Variants in ADGRB2 observed in about 807,000 individuals in gnomAD.
The protein encoded by ADGRB2 is adhesion G protein-coupled receptor B2.
Under a neutral mutation model 178.7 loss-of-function variants are expected in ADGRB2, and 47 were observed. That is an observed-to-expected ratio of 0.26 (90% CI 0.21 to 0.34). The LOEUF (loss-of-function observed/expected upper bound fraction) is 0.34, where lower values mean the gene tolerates loss of function less well. Among genes scored for constraint, ADGRB2 ranks in the 10% least tolerant of loss-of-function variants. The pLI is 1.00. For missense variants in ADGRB2, 1,584 were observed against 2,180.8 expected (o/e 0.73, Z 5.45); for synonymous variants, 870 against 912.4 (o/e 0.95, Z 0.84).
chr1:31,763,292 T>C (rs1179914436), intron 1 of ADGRB2, among the ~76,000 whole-genome samples: 12 of 131,762 alleles, frequency 9.1e-5, no homozygotes, highest in Non-Finnish European at 1.4e-4. Context: ...TCCGGTCAGA[T>C]AGATATGGGG....
intron 14 of ADGRB2, 78 bp from the exon 15 acceptor site, chr1:31,739,713 G>A (rs933062865): frequency 5.4e-6 from 8 of 1,469,848 alleles, no homozygotes; most frequent in African/African-American, 4.2e-5. Context: ...AGAGACAGAT[G>A]TAGGGGAAAC....
Position 31,733,148 on chromosome 1 carries a change from G to A in ADGRB2, c.3453-5C>T, listed in dbSNP as rs1645382230. 2 of 1,572,288 alleles carry A rather than the reference G, an allele frequency of 1.3e-6. No individual in the cohort carries two copies. The highest frequency in any genetic ancestry group is 2.3e-5 in the East Asian group (1 of 42,634). ...CAGGAGCTCCAGAGTGAGGCCCTGAGGGGACAGTGGCAGAGCCCATCAGAG... is the reference window on the plus strand; with the variant it reads ...CAGGAGCTCCAGAGTGAGGCCCTGAAGGGACAGTGGCAGAGCCCATCAGAG... On this transcript the variant is annotated splice_region_variant and splice_polypyrimidine_tract_variant and intron_variant, in intron 25 of 32. Transcript: ENST00000373658. The surrounding 1 kb of genome is among the most constrained non-coding windows in gnomAD (Gnocchi z 4.3).
In ADGRB2 at chr1:31,744,121, G is replaced by T; in HGVS notation, c.1087+72C>A. On this transcript the variant is annotated intron_variant, in intron 6 of 32. Coordinates refer to ENST00000373658, the MANE Select transcript of ADGRB2 (RefSeq NM_001364857.2). The surrounding 1 kb of genome is among the most constrained non-coding windows in gnomAD (Gnocchi z 6.7). ...GGAGGAGGCAACCAACCATTTTGGA[G>T]ATTAATCTGCCCAAGTCCCAGGCAG... The T allele has an allele frequency of 1.4e-6, 2 of 1,447,046 alleles. No homozygotes were observed. The highest frequency in any genetic ancestry group is 1.5e-5 in the South Asian group (1 of 68,152). The allele number at this position is 1,447,046 out of a possible 1,614,324, so 89.6% of individuals were successfully genotyped here. A position where few individuals can be genotyped will look rare whatever the true frequency, so the allele number is the denominator to read the frequency against.
At position 31,741,312 on chromosome 1, in the gene ADGRB2, C is replaced by T. The variant is rs994483156; in HGVS notation, c.1794+61G>A. 7.4e-6 allele frequency: 11 copies of T among 1,495,726 alleles called. No individual in the cohort carries two copies. In the African/African-American group the frequency reaches 1.4e-4, roughly 19 times the overall value. 92.7% of individuals were successfully genotyped at this position (1,495,726 alleles called of 1,614,324 possible). ...GAACGAGCGAGAATCACGCTCCCTC[C>T]ACCCCCTAGCAGAGTCTGAGACAGA... On this transcript the variant is annotated intron_variant, in intron 11 of 32. Transcript: ENST00000373658. This position sits in a 1 kb window ranked among gnomAD's most constrained non-coding sequence, Gnocchi z 6.5.
Position 31,727,882 on chromosome 1 carries a change from C to A in ADGRB2, c.4572+143G>T. 8.5e-7 allele frequency: 1 copy of A among 1,170,066 alleles called. No homozygotes were observed. The highest frequency in any genetic ancestry group is 1.2e-6 in the Non-Finnish European group (1 of 855,310). 72.5% of individuals were successfully genotyped at this position (1,170,066 alleles called of 1,614,324 possible). ...TCGCCATCTGCAGCACCTTCCCCAC[C>A]CCCAGGCGGCCCCAGACTGTTGCCC... On this transcript the variant is annotated intron_variant, in intron 32 of 32. Coordinates refer to ENST00000373658, the MANE Select transcript of ADGRB2 (RefSeq NM_001364857.2). This position sits in a 1 kb window ranked among gnomAD's most constrained non-coding sequence, Gnocchi z 4.4.
At position 31,735,214 on chromosome 1, in the gene ADGRB2, G is replaced by A. The variant is rs4434884; in HGVS notation, c.3421C>T (p.Leu1141=). The A allele has an allele frequency of 6.9e-7, 1 of 1,452,978 alleles. No individual in the cohort carries two copies. Among genetic ancestry groups the A allele is most frequent in the African/African-American group, 1.4e-5 (1 of 70,100 alleles). 90.0% of individuals were successfully genotyped at this position (1,452,978 alleles called of 1,614,324 possible). A position where few individuals can be genotyped will look rare whatever the true frequency, so the allele number is the denominator to read the frequency against. Residue 1141 remains leucine (L), a synonymous_variant, in exon 25 of 33, where the codon CTG becomes TTG. Coordinates refer to ENST00000373658, the MANE Select transcript of ADGRB2 (RefSeq NM_001364857.2). The surrounding 1 kb of genome is among the most constrained non-coding windows in gnomAD (Gnocchi z 6.0). ...TTCCTGGCCGAGGCTGAGCTGAGCA[G>A]GGGGCTGGGGACCGCTCCACACGCT... ...CSACGAVPSP[L]LSSASARNAM...
In ADGRB2 at chr1:31,735,173, C is replaced by G; in HGVS notation, c.3452+10G>C. ...CCCACCCCCACCGCCCCCCAGGGGG[C>G]ACGACTAACATGGCGTTCCTGGCCG... On this transcript the variant is annotated intron_variant, in intron 25 of 32. Coordinates refer to ENST00000373658, the MANE Select transcript of ADGRB2 (RefSeq NM_001364857.2). The surrounding 1 kb of genome is among the most constrained non-coding windows in gnomAD (Gnocchi z 6.0). 3 of 1,282,234 alleles carry G rather than the reference C, an allele frequency of 2.3e-6. No individual in the cohort carries two copies. Among genetic ancestry groups the G allele is most frequent in the South Asian group, 1.7e-5 (1 of 57,478 alleles). 79.4% of individuals were successfully genotyped at this position (1,282,234 alleles called of 1,614,324 possible).
In ADGRB2 at chr1:31,740,090, C is replaced by T. The variant is rs775475260; in HGVS notation, c.2058+20G>A. 6.2e-7 allele frequency: 1 copy of T among 1,614,170 alleles called. No homozygotes were observed. The highest frequency in any genetic ancestry group is 1.1e-5 in the South Asian group (1 of 91,090). The stretch of plus-strand genomic sequence containing the variant: ...GCAGGGTGGGTCACGGGAGGAGAAG[C>T]TGGCAGCTGTGCCCCGCACCTGCTG... On this transcript the variant is annotated intron_variant, in intron 13 of 32. Transcript: ENST00000373658. The surrounding 1 kb of genome is among the most constrained non-coding windows in gnomAD (Gnocchi z 5.9).
chr1:31,762,220 A>G (rs932672091), intron 1 of ADGRB2, among the ~76,000 whole-genome samples: 65 of 152,180 alleles, frequency 4.3e-4, no homozygotes, highest in African/African-American at 1.4e-3. Flanking sequence ...GGAGAGAGGG[A>G]AGAAGAGGGG....
rs1299003008 is a variant in ADGRB2 at position 31,733,163 on chromosome 1, G to T, written c.3453-20C>A. 9.0e-6 allele frequency: 14 copies of T among 1,562,170 alleles called. No homozygotes were observed. In the Admixed American group the frequency reaches 1.9e-4, roughly 21 times the overall value. On this transcript the variant is annotated intron_variant, in intron 25 of 32. Coordinates refer to ENST00000373658, the MANE Select transcript of ADGRB2 (RefSeq NM_001364857.2). The surrounding 1 kb of genome is among the most constrained non-coding windows in gnomAD (Gnocchi z 4.3). ...GAGGCCCTGAGGGGACAGTGGCAGA[G>T]CCCATCAGAGTGACACTCCGGGGGA...
At position 31,740,272 on chromosome 1, in the gene ADGRB2, T is replaced by C. The variant is rs977373432; in HGVS notation, c.1989+75A>G. 4 of 1,606,712 alleles carry C rather than the reference T, an allele frequency of 2.5e-6. No homozygotes were observed. The highest frequency in any genetic ancestry group is 3.4e-6 in the Non-Finnish European group (4 of 1,175,148). On this transcript the variant is annotated intron_variant, in intron 12 of 32. Transcript: ENST00000373658. The surrounding 1 kb of genome is among the most constrained non-coding windows in gnomAD (Gnocchi z 5.9). ...CACACTTGCCGCCTCTACAGCAGAC[T>C]CTGCCTAGGGGCCTGGCCTCCCGCT...
intron 21 of ADGRB2, 40 bp downstream of exon 21, chr1:31,736,532 AC>A: frequency 6.2e-7 from 1 of 1,604,518 alleles, no homozygotes; most frequent in Non-Finnish European, 8.5e-7. Flanking sequence ...GCCCCTGCCC[AC>A]CAAGGCCCAG....
chr1:31,731,050 C>G lies in ADGRB2; in HGVS notation c.4130G>C (p.Arg1377Pro). The stretch of plus-strand genomic sequence containing the variant: ...AGCTCGCCGGGGGGTCCCCTCCGGC[C>G]GGGCCCTGGGGGCATCCTCACCACC... Reference protein sequence around the residue: ...GGGGEDAPRARPEGTPRRAAK... With the variant: ...GGGGEDAPRAPPEGTPRRAAK... The change falls in exon 29 of 33, where the codon CGG (arginine) becomes CCG (proline). Residue 1377 changes from arginine (R) to proline (P), a missense_variant. Around this residue, in one of 3 missense-constraint regions of ADGRB2, gnomAD observed 865 missense variants for 1,192.8 expected, o/e 0.73. Transcript: ENST00000373658. The G allele has an allele frequency of 6.3e-7, 1 of 1,583,878 alleles. No homozygotes were observed. Among genetic ancestry groups the G allele is most frequent in the Non-Finnish European group, 8.6e-7 (1 of 1,163,950 alleles).
intron 26 of ADGRB2, among the ~76,000 whole-genome samples, 157 bp downstream of exon 26, chr1:31,732,815 G>A (rs1645361817): frequency 6.6e-6 from 1 of 152,258 alleles, no homozygotes; most frequent in Non-Finnish European, 1.5e-5. Context: ...GACAGTTGCG[G>A]GTACCCCGGG....
chr1:31,755,791 C>G lies in ADGRB2; in HGVS notation c.838+208G>C, dbSNP rs1342978890. ...ATCACCCTGCATTATCTGATCTGTG[C>G]CCCCATTCATCTAGCCAGTCTGCAA... On this transcript the variant is annotated intron_variant, in intron 4 of 32. Transcript: ENST00000373658. This position sits in a 1 kb window ranked among gnomAD's most constrained non-coding sequence, Gnocchi z 5.1. 6.6e-6 allele frequency among the ~76,000 whole-genome samples: 1 copy of G among 152,024 alleles called. No homozygotes were observed. The highest frequency in any genetic ancestry group is 1.5e-5 in the Non-Finnish European group (1 of 67,996).
At position 31,737,483 on chromosome 1, in the gene ADGRB2, G is replaced by A; in HGVS notation, c.2925C>T (p.Ser975=). ...RSIILLNFCL[S]ILASNILILV... ...GGATCAGGATGTTGGATGCCAAGAT[G>A]GACAGGCAGAAGTTCAGCAAGATGA... The change falls in exon 20 of 33, where the codon TCC becomes TCT. Residue 975 remains serine, a synonymous_variant. Coordinates refer to ENST00000373658, the MANE Select transcript of ADGRB2 (RefSeq NM_001364857.2). 2 of 1,614,164 alleles carry A rather than the reference G, an allele frequency of 1.2e-6. No homozygotes were observed. The highest frequency in any genetic ancestry group is 1.1e-5 in the South Asian group (1 of 91,072).
chr1:31,737,591 C>T lies in ADGRB2; in HGVS notation c.2877-60G>A. The T allele has an allele frequency of 4.3e-6, 7 of 1,611,380 alleles. No individual in the cohort carries two copies. The South Asian group carries it at 7.7e-5, about 18-fold the overall frequency. Reference sequence around the variant, plus strand: ...GGCTGCCCCATCCGACCTGGTGTGGCTGGCCACCTTCTGCGCCTGCCCCCC... The same window carrying T: ...GGCTGCCCCATCCGACCTGGTGTGGTTGGCCACCTTCTGCGCCTGCCCCCC... On this transcript the variant is annotated intron_variant, in intron 19 of 32. Transcript: ENST00000373658.
chr1:31,751,323 T>C (rs1646559782), intron 4 of ADGRB2, among the ~76,000 whole-genome samples: 1 of 152,254 alleles, frequency 6.6e-6, no homozygotes, highest in Admixed American at 6.5e-5. Flanking sequence ...GGACTGAGGA[T>C]GTCAGGCTCT....
chr1:31,741,345 G>A lies in ADGRB2; in HGVS notation c.1794+28C>T, dbSNP rs377336024. On this transcript the variant is annotated intron_variant, in intron 11 of 32. Transcript: ENST00000373658. This position sits in a 1 kb window ranked among gnomAD's most constrained non-coding sequence, Gnocchi z 6.5. Reference sequence around the variant, plus strand: ...AGCAGAGTCTGAGACAGATTCTGCTGTGCCCCAGCCCAGCAGGGTGCACTC... The same window carrying A: ...AGCAGAGTCTGAGACAGATTCTGCTATGCCCCAGCCCAGCAGGGTGCACTC... The A allele has an allele frequency of 2.5e-6, 4 of 1,570,504 alleles. No individual in the cohort carries two copies. The African/African-American group carries it at 4.0e-5, about 16-fold the overall frequency.
Sources: allele counts gnomAD v4.1 joint callset (sites outside exome capture counted in the v4.1 genomes callset), GRCh38; gene constraint gnomAD v4.1.1; regional missense constraint gnomAD v4.1.1; non-coding constraint Gnocchi (gnomAD v3.1); transcripts MANE v1.5; gene names NCBI Gene and HGNC (gene_info 2026-07-23, HGNC 2026-07-21).